The following ADCY9 variants were observed in gnomAD, a reference collection of about 807,000 sequenced individuals.
The protein encoded by ADCY9 is adenylate cyclase 9.
ADCY9 carries 50 observed loss-of-function variants against 101.5 expected under a neutral mutation model. The ratio of observed to expected loss-of-function variants is 0.49; its 90% CI spans 0.39 to 0.62. The LOEUF (loss-of-function observed/expected upper bound fraction) is 0.62. Ranked by LOEUF, ADCY9 falls within the 20% of genes least tolerant of loss-of-function variation. The pLI is 0.00. For missense variants in ADCY9, 1,662 were observed against 1,800.4 expected (o/e 0.92, Z 1.39); for synonymous variants, 905 against 769.3 (o/e 1.18, Z -2.92).
At chr16:4,071,332 C>CAAAAAAAAAAAAAAAAAAAAAA (rs530420293) in intron 2 of ADCY9, among the ~76,000 whole-genome samples, 6 of 70,524 alleles carry the variant, frequency 8.5e-5, no homozygotes, top group Non-Finnish European at 1.3e-4. Flanking sequence ...ACTCAGTCTC[C>CAAAAAAAAAAAAAAAAAAAAAA]AAAAAAAAAA....
chr16:4,049,283 A>G (rs1297879235), intron 2 of ADCY9, among the ~76,000 whole-genome samples: 1 of 152,186 alleles, frequency 6.6e-6, no homozygotes, highest in African/African-American at 2.4e-5. Flanking sequence ...AAGAGGGTCC[A>G]GGGAAATGCT....
intron 2 of ADCY9, among the ~76,000 whole-genome samples, chr16:4,035,597 C>T (rs2056583820): frequency 1.3e-5 from 2 of 152,160 alleles, no homozygotes; most frequent in African/African-American, 4.8e-5. Context: ...AAGATGGGAA[C>T]ACAGAGCTGC....
At chr16:4,049,675 C>T (rs867517148) in intron 2 of ADCY9, among the ~76,000 whole-genome samples, 31 of 152,188 alleles carry the variant, frequency 2.0e-4, no homozygotes, top group Admixed American at 6.5e-4. Context: ...CTTCCGCATC[C>T]TTCATGTCCA....
At chr16:4,065,185 G>A (rs12325377) in intron 2 of ADCY9, among the ~76,000 whole-genome samples, 1 of 152,172 alleles carries the variant, frequency 6.6e-6, no homozygotes, top group South Asian at 2.1e-4. Flanking sequence ...AATTCACTTA[G>A]ATCTGAACTG....
intron 2 of ADCY9, among the ~76,000 whole-genome samples, chr16:4,020,751 A>G (rs2056470520): frequency 6.6e-6 from 1 of 151,360 alleles, no homozygotes; most frequent in Non-Finnish European, 1.5e-5. Flanking sequence ...GCGTGAACCC[A>G]GGAGGCGGAG....
intron 2 of ADCY9, among the ~76,000 whole-genome samples, chr16:4,023,847 CT>C (rs2056495070): frequency 6.6e-6 from 1 of 151,588 alleles, no homozygotes; most frequent in Non-Finnish European, 1.5e-5. Flanking sequence ...GAGGTGGAGG[CT>C]GCAGTGGGCC....
chr16:3,960,220 T>C (rs1417006744), downstream of ADCY9, among the ~76,000 whole-genome samples: 2 of 151,882 alleles, frequency 1.3e-5, no homozygotes, highest in African/African-American at 4.8e-5. Context: ...TGAAATTATA[T>C]ATAAAATCAA....
intron 2 of ADCY9, among the ~76,000 whole-genome samples, chr16:4,054,616 G>C (rs150612782): frequency 6.6e-6 from 1 of 151,888 alleles, no homozygotes; most frequent in East Asian, 1.9e-4. Flanking sequence ...TGTCACCCAG[G>C]CTGGAGTGCA....
intron 2 of ADCY9, among the ~76,000 whole-genome samples, chr16:4,014,596 T>C (rs970308361): frequency 6.6e-6 from 1 of 151,230 alleles, no homozygotes; most frequent in Non-Finnish European, 1.5e-5. Context: ...TACAGGTGTG[T>C]GCCACCATGC....
chr16:3,985,719 G>A (rs1168204528), intron 6 of ADCY9, among the ~76,000 whole-genome samples: 1 of 151,978 alleles, frequency 6.6e-6, no homozygotes. Context: ...CTCCTCTGTA[G>A]AACTGCCCCA....
At chr16:3,962,218 G>A (rs1459217993), downstream of ADCY9, among the ~76,000 whole-genome samples, 1 of 152,098 alleles carries the variant, frequency 6.6e-6, no homozygotes, top group African/African-American at 2.4e-5. Flanking sequence ...AAGGGGCTTT[G>A]TGACTTCCTC....
intron 2 of ADCY9, among the ~76,000 whole-genome samples, chr16:4,104,832 T>A (rs1296439808): frequency 6.6e-6 from 1 of 152,164 alleles, no homozygotes; most frequent in Non-Finnish European, 1.5e-5. Context: ...TTCTGTTGTG[T>A]ACATTTTATC....
At chr16:3,986,246 G>A (rs1002020419) in intron 6 of ADCY9, among the ~76,000 whole-genome samples, 15 of 152,156 alleles carry the variant, frequency 9.9e-5, no homozygotes, top group African/African-American at 3.4e-4. Context: ...GGCTAAGAAC[G>A]CACCCACGTG....
intron 2 of ADCY9, chr16:4,032,660 C>A (rs544915991): frequency 6.6e-6 from 1 of 151,822 alleles, no homozygotes; most frequent in African/African-American, 2.4e-5. Flanking sequence ...CAGGTGCCCA[C>A]CACCATGCCC....
chr16:4,098,861 CT>C (rs767854012), intron 2 of ADCY9, among the ~76,000 whole-genome samples: 13 of 152,036 alleles, frequency 8.6e-5, no homozygotes, highest in Non-Finnish European at 1.6e-4. Context: ...TGCAGGACTC[CT>C]CAGTCTGCAA....
rs752461702 is a variant in ADCY9, at chr16:3,966,300, G to A, written c.3537C>T (p.Thr1179=). The change falls in exon 11 of 11, where the codon ACC becomes ACT. Residue 1179 remains threonine (T), a synonymous_variant. Coordinates refer to ENST00000294016, the MANE Select transcript of ADCY9 (RefSeq NM_001116.4). ...CCCAGATGTCGTACAGCAGCTTGGTGGTGCCGATGACCCCGGCCGTGAGGG... is the reference window on the plus strand; with the variant it reads ...CCCAGATGTCGTACAGCAGCTTGGTAGTGCCGATGACCCCGGCCGTGAGGG... ...HGPLTAGVIG[T]TKLLYDIWGD... 1 of 1,614,160 alleles carries A rather than the reference G, an allele frequency of 6.2e-7. No individual in the cohort carries two copies. Among genetic ancestry groups the A allele is most frequent in the African/African-American group, 1.3e-5 (1 of 75,056 alleles).
At position 3,989,017 on chromosome 16, in the gene ADCY9, A is replaced by G; in HGVS notation, c.2287T>C (p.Tyr763His). ...NFLDQELERS[Y>H]RTSYQEEVIK... ...ACCTCTTCCTGATAGCTGGTCCTGT[A>G]GGATCGCTCCAGCTCCTGATCCAGG... The change falls in exon 6 of 11, where the codon TAC (tyrosine) becomes CAC (histidine). Residue 763 changes from tyrosine (Y) to histidine (H), a missense_variant. By Grantham distance (83) the Tyr-to-His change is moderately conservative (BLOSUM62 2). This residue lies in a region of ADCY9 where 624 missense variants were observed against 639.1 expected (regional missense o/e 0.98). Transcript: ENST00000294016. The G allele has an allele frequency of 1.2e-6, 2 of 1,613,810 alleles. No individual in the cohort carries two copies. The highest frequency in any genetic ancestry group is 1.7e-6 in the Non-Finnish European group (2 of 1,179,694).
At chr16:4,108,688 T>C (rs2057094573) in intron 2 of ADCY9, among the ~76,000 whole-genome samples, 1 of 139,136 alleles carries the variant, frequency 7.2e-6, no homozygotes, top group South Asian at 2.3e-4. Flanking sequence ...TCCATATCTT[T>C]AATAACTGTC....
At chr16:3,988,115 A>G (rs1430579303) in intron 6 of ADCY9, among the ~76,000 whole-genome samples, 1 of 152,168 alleles carries the variant, frequency 6.6e-6, no homozygotes, top group Admixed American at 6.5e-5. Context: ...ACACGAATCC[A>G]GAACCACACA....
Sources: allele counts gnomAD v4.1 joint callset (sites outside exome capture counted in the v4.1 genomes callset), GRCh38; gene constraint gnomAD v4.1.1; regional missense constraint gnomAD v4.1.1; transcripts MANE v1.5; gene names NCBI Gene and HGNC (gene_info 2026-07-23, HGNC 2026-07-21).